RUSF1: variants seen among roughly 807,000 people sequenced by gnomAD.
RUSF1 encodes RUS family member 1, also known as RUS1 family protein C16orf58.
In RUSF1, 58 loss-of-function variants were observed where a neutral mutation model predicts 63.0. That is an observed-to-expected ratio of 0.92 (90% confidence interval 0.75 to 1.15). The LOEUF (loss-of-function observed/expected upper bound fraction) is 1.15, where lower values mean the gene tolerates loss of function less well. Among genes scored for constraint, RUSF1 ranks in the 50% most tolerant of loss-of-function variants. The probability of loss-of-function intolerance (pLI) is 0.00; values close to 1 mark genes in which losing one functional copy is unlikely to be tolerated. For missense variants in RUSF1, 652 were observed against 611.0 expected, an observed-to-expected ratio of 1.07 and a Z score of -0.71; for synonymous variants, 274 against 255.8, an observed-to-expected ratio of 1.07 and a Z score of -0.68.
In RUSF1 at chr16:31,490,618, A is replaced by G. The variant is rs1000598313; in HGVS notation, c.*217T>C. On this transcript the variant is annotated 3_prime_UTR_variant, in exon 13 of 13. Coordinates refer to ENST00000327237, the MANE Select transcript of RUSF1 (RefSeq NM_022744.4). ...CTGCGGTGCTCCCCAGAAAAGGGGA[A>G]GGGGCAGTGGGGTGAGAAGGTCCTG... The G allele has an allele frequency of 7.9e-7, 1 of 1,266,770 alleles. No individual in the cohort carries two copies. The highest frequency in any genetic ancestry group is 2.0e-5 in the Admixed American group (1 of 51,092). 78.5% of individuals were successfully genotyped at this position (1,266,770 alleles called of 1,614,324 possible).
intron 2 of RUSF1, among the ~76,000 whole-genome samples, chr16:31,504,088 C>T (rs370895298): frequency 1.9e-4 from 28 of 151,316 alleles, no homozygotes; most frequent in Non-Finnish European, 3.2e-4. Context: ...TTGTTAGAGA[C>T]GGGGTTAAAC....
rs567526942 is a variant in RUSF1 at position 31,493,932 on chromosome 16, G to A, written c.707C>T (p.Thr236Met). Reference sequence around the variant, plus strand: ...CAAGAGCCCCGCCAGGTTCACCAGCGTCTCCTGGAAAATGGCAGAGGGAGA... The same window carrying A: ...CAAGAGCCCCGCCAGGTTCACCAGCATCTCCTGGAAAATGGCAGAGGGAGA... ...DVSAKDSSQE[T>M]LVNLAGLLVS... The change falls in exon 7 of 13, where the codon ACG (threonine) becomes ATG (methionine). Residue 236 changes from threonine to methionine, a missense_variant. Physicochemically the swap from Thr to Met is moderately conservative, Grantham distance 81. Transcript: ENST00000327237. 2.2e-5 allele frequency: 36 copies of A among 1,614,056 alleles called. No homozygotes were observed. Among genetic ancestry groups the A allele is most frequent in the African/African-American group, 4.0e-5 (3 of 75,042 alleles).
rs976338121 is a variant in RUSF1 at position 31,490,657 on chromosome 16, C to A, written c.*178G>T. ...GAGAAGGTCCTGGCTCCCCTTCTCC[C>A]GGCCTTCCTCTGCCTGGGGCCCACT... is the stretch of plus-strand genomic sequence containing the variant. On this transcript the variant is annotated 3_prime_UTR_variant, in exon 13 of 13. Transcript: ENST00000327237. The A allele has an allele frequency of 4.5e-6, 5 of 1,103,678 alleles. No individual in the cohort carries two copies. The highest frequency in any genetic ancestry group is 2.6e-5 in the South Asian group (2 of 75,884). 68.4% of individuals were successfully genotyped at this position (1,103,678 alleles called of 1,614,324 possible).
chr16:31,507,917 G>A (rs1353929342), intron 1 of RUSF1, 39 bp from the exon 2 acceptor site: 1 of 1,546,710 alleles, frequency 6.5e-7, no homozygotes, highest in South Asian at 1.2e-5. Flanking sequence ...GCGGGCGTAG[G>A]AGCGTGGCGG....
chr16:31,497,681 C>G (rs929413601), intron 5 of RUSF1, among the ~76,000 whole-genome samples: 1 of 152,120 alleles, frequency 6.6e-6, no homozygotes, highest in Admixed American at 6.5e-5. Context: ...TGCTGTGATA[C>G]AAGTCAGACC....
intron 3 of RUSF1, 91 bp downstream of exon 3, chr16:31,500,595 T>C (rs879851603): frequency 9.5e-6 from 14 of 1,476,712 alleles, no homozygotes; most frequent in Admixed American, 9.4e-5. Context: ...ATGGAACCCT[T>C]ACAGCCACAA....
chr16:31,507,738 C>T, intron 2 of RUSF1, 26 bp downstream of exon 2: 1 of 1,548,104 alleles, frequency 6.5e-7, no homozygotes, highest in Non-Finnish European at 8.7e-7. Flanking sequence ...AGCAGCAATA[C>T]GTGAGGCTCC....
chr16:31,493,287 T>C (rs2082583526), intron 9 of RUSF1, 180 bp downstream of exon 9: 1 of 931,952 alleles, frequency 1.1e-6, no homozygotes, highest in Non-Finnish European at 1.7e-6. Flanking sequence ...ATCTCTTACA[T>C]CTGCTTCATG....
chr16:31,492,388 A>T, intron 10 of RUSF1, 48 bp from the exon 11 acceptor site: 1 of 1,502,116 alleles, frequency 6.7e-7, no homozygotes, highest in Non-Finnish European at 8.9e-7. Context: ...GCCACCTCCC[A>T]AACCCCTTCT....
rs1221391277 is a variant in RUSF1 at position 31,492,223 on chromosome 16, T to C, written c.1205A>G (p.Glu402Gly). The change falls in exon 11 of 13, where the codon GAG becomes GGG. Residue 402 changes from glutamate (E) to glycine (G), a missense_variant. Coordinates refer to ENST00000327237, the MANE Select transcript of RUSF1 (RefSeq NM_022744.4). ...TGCCCGCACCCGGTTCCTCAGCTCC[T>C]CCAGCTCTGCTGGAAGGGGTCCATC... ...QGDGPLPAEL[E>G]ELRNRVRAGP... The C allele has an allele frequency of 1.2e-6, 2 of 1,612,096 alleles. No individual in the cohort carries two copies. Among genetic ancestry groups the C allele is most frequent in the East Asian group, 4.5e-5 (2 of 44,834 alleles).
intron 2 of RUSF1, among the ~76,000 whole-genome samples, chr16:31,507,456 T>C (rs903093800): frequency 6.6e-6 from 1 of 152,200 alleles, no homozygotes; most frequent in African/African-American, 2.4e-5. Flanking sequence ...ATTCCATCAA[T>C]TGCATTCTTA....
At chr16:31,498,119 G>A (rs1489242548) in intron 5 of RUSF1, among the ~76,000 whole-genome samples, 1 of 152,214 alleles carries the variant, frequency 6.6e-6, no homozygotes, top group African/African-American at 2.4e-5. Flanking sequence ...GGTGGTGGCA[G>A]TGGTGGTGGC....
At chr16:31,496,658 G>A (rs1048157949) in intron 6 of RUSF1, among the ~76,000 whole-genome samples, 191 bp downstream of exon 6, 2 of 152,318 alleles carry the variant, frequency 1.3e-5, no homozygotes, top group Non-Finnish European at 2.9e-5. Flanking sequence ...CACAGGTGGC[G>A]GGCAGGGCCT....
At chr16:31,496,356 T>C (rs969749716) in intron 6 of RUSF1, among the ~76,000 whole-genome samples, 11 of 152,160 alleles carry the variant, frequency 7.2e-5, no homozygotes, top group African/African-American at 2.4e-4. Flanking sequence ...AGTTAAGTGA[T>C]GCAGTACACG....
In RUSF1 at chr16:31,508,220, G is replaced by A. The variant is rs1162506701; in HGVS notation, c.154C>T (p.Pro52Ser). The A allele has an allele frequency of 6.4e-7, 1 of 1,564,448 alleles. No homozygotes were observed. Among genetic ancestry groups the A allele is most frequent in the South Asian group, 1.2e-5 (1 of 85,534 alleles). ...ACTTCGCCCGCATCTCGTCCTTCAG[G>A]TTTGACCGTGAAGGCCCTGGAGAGC... is the stretch of plus-strand genomic sequence containing the variant. Reference protein sequence around the residue: ...WGLSRAFTVKPEGRDAGEVGA... With the variant: ...WGLSRAFTVKSEGRDAGEVGA... Residue 52 changes from proline to serine, a missense_variant, in exon 1 of 13, where the codon CCT (proline) becomes TCT (serine). Transcript: ENST00000327237.
Position 31,493,052 on chromosome 16 carries a change from TG to T in RUSF1, c.1017-5del. On this transcript the variant is annotated splice_region_variant and splice_polypyrimidine_tract_variant and intron_variant, in intron 9 of 12. Transcript: ENST00000327237. ...CAGCTGCTGCAGCTCAAAGACACTG[TG>T]GGGGAGAGGACAGTGCAGTGGGGGT... The T allele has an allele frequency of 6.2e-7, 1 of 1,613,464 alleles. No individual in the cohort carries two copies. Among genetic ancestry groups the T allele is most frequent in the Non-Finnish European group, 8.5e-7 (1 of 1,179,766 alleles).
intron 2 of RUSF1, 86 bp downstream of exon 2, chr16:31,507,678 A>C: frequency 8.1e-7 from 1 of 1,235,202 alleles, no homozygotes; most frequent in South Asian, 1.3e-5. Flanking sequence ...CTAATGGGGC[A>C]CGAGTCCATA....
At chr16:31,501,640 G>C (rs1183428738) in intron 2 of RUSF1, among the ~76,000 whole-genome samples, 1 of 151,290 alleles carries the variant, frequency 6.6e-6, no homozygotes, top group Non-Finnish European at 1.5e-5. Flanking sequence ...GGGGTTGCAC[G>C]GCAGAGGGAC....
In RUSF1 at chr16:31,493,147, G is replaced by A. The variant is rs1233109032; in HGVS notation, c.1017-99C>T. The stretch of plus-strand genomic sequence containing the variant: ...CCACCCAGTGAACTGAAATGATCCA[G>A]GCTTCACTCAGGTCCCCTCGCTTCC... On this transcript the variant is annotated intron_variant, in intron 9 of 12. Transcript: ENST00000327237. 2.4e-6 allele frequency: 3 copies of A among 1,275,584 alleles called. No individual in the cohort carries two copies. The Admixed American group carries it at 5.7e-5, about 24-fold the overall frequency. 79.0% of individuals were successfully genotyped at this position (1,275,584 alleles called of 1,614,324 possible). A position where few individuals can be genotyped will look rare whatever the true frequency, so the allele number is the denominator to read the frequency against.
Sources: gnomAD v4.1 joint callset for allele counts (sites outside exome capture counted in the v4.1 genomes callset) on GRCh38, gnomAD v4.1.1 for gene constraint, MANE v1.5 for transcripts, NCBI Gene and HGNC (gene_info 2026-07-23, HGNC 2026-07-21) for gene names.